The following RFX2 variants were observed in gnomAD, a reference collection of about 807,000 sequenced individuals.
RFX2 encodes regulatory factor X2, also known as DNA-binding protein RFX2.
RFX2 carries 20 observed loss-of-function variants against 87.8 expected under a neutral mutation model. That is an observed-to-expected ratio of 0.23 (90% CI 0.16 to 0.33). The LOEUF (loss-of-function observed/expected upper bound fraction) is 0.33. Ranked by LOEUF, RFX2 falls within the 10% of genes least tolerant of loss-of-function variation. The pLI, the probability that RFX2 is intolerant of heterozygous loss-of-function variation, is 1.00. For synonymous variants in RFX2, 397 were observed against 431.3 expected (o/e 0.92, Z 0.98); for missense variants, 767 against 1,012.3 (o/e 0.76, Z 3.29).
rs2087081168 is a variant in RFX2 at position 6,039,913 on chromosome 19, T to C, written c.522+67A>G. The C allele has an allele frequency of 6.9e-7, 1 of 1,459,750 alleles. No homozygotes were observed. The highest frequency in any genetic ancestry group is 1.4e-5 in the African/African-American group (1 of 71,120). The allele number at this position is 1,459,750 out of a possible 1,614,324, so 90.4% of individuals were successfully genotyped here. A position where few individuals can be genotyped will look rare whatever the true frequency, so the allele number is the denominator to read the frequency against. On this transcript the variant is annotated intron_variant, in intron 5 of 17. Coordinates refer to ENST00000303657, the MANE Select transcript of RFX2 (RefSeq NM_000635.4). This position sits in a 1 kb window ranked among gnomAD's most constrained non-coding sequence, Gnocchi z 5.2. ...GCCTCCGGCTGCCTCTTACTCACCA[T>C]CCCTGCTGCCGCTGCTTCGAGAATA...
chr19:6,049,402 G>A (rs1291558487), intron 1 of RFX2, among the ~76,000 whole-genome samples: 1 of 152,186 alleles, frequency 6.6e-6, no homozygotes, highest in Non-Finnish European at 1.5e-5. Flanking sequence ...TAAGTAAGAA[G>A]AGGCCATGAG....
chr19:6,055,861 G>A (rs192660346), intron 1 of RFX2, among the ~76,000 whole-genome samples: 118 of 152,274 alleles, frequency 7.7e-4, no homozygotes, highest in Middle Eastern at 3.4e-3. Context: ...GAATACTACT[G>A]GAATACTCTT....
chr19:6,095,626 G>A (rs1482547611), intron 1 of RFX2, among the ~76,000 whole-genome samples: 1 of 152,070 alleles, frequency 6.6e-6, no homozygotes, highest in Non-Finnish European at 1.5e-5. Flanking sequence ...GGGTGTGTGG[G>A]GCAGGGAAGG....
chr19:6,008,271 C>A, intron 9 of RFX2, 47 bp from the exon 10 acceptor site: 1 of 1,287,704 alleles, frequency 7.8e-7, no homozygotes. Flanking sequence ...GCTCTTAGGA[C>A]ACCGTGGACA....
intron 1 of RFX2, among the ~76,000 whole-genome samples, chr19:6,048,655 A>T (rs1422727013): frequency 6.6e-6 from 1 of 152,168 alleles, no homozygotes; most frequent in African/African-American, 2.4e-5. Flanking sequence ...CACAATAGAC[A>T]TTTGCTAGAA....
chr19:6,061,978 C>A lies in RFX2; in HGVS notation c.-8-14474G>T, dbSNP rs1389317807. On this transcript the variant is annotated intron_variant, in intron 1 of 17. Coordinates refer to ENST00000303657, the MANE Select transcript of RFX2 (RefSeq NM_000635.4). This position sits in a 1 kb window ranked among gnomAD's most constrained non-coding sequence, Gnocchi z 5.2. ...GCAACATAGCGAGGCCCCATCTCTA[C>A]AAACAAACAAACAAACAACAACAAC... 1.3e-5 allele frequency among the ~76,000 whole-genome samples: 2 copies of A among 151,962 alleles called. No homozygotes were observed. The highest frequency in any genetic ancestry group is 4.8e-5 in the African/African-American group (2 of 41,350).
At chr19:6,071,402 T>C (rs558758323) in intron 1 of RFX2, among the ~76,000 whole-genome samples, 12 of 152,148 alleles carry the variant, frequency 7.9e-5, no homozygotes, top group Admixed American at 3.3e-4. Flanking sequence ...TCGTCTATCT[T>C]TGAGGCACAG....
intron 1 of RFX2, among the ~76,000 whole-genome samples, chr19:6,070,235 G>T (rs1199876028): frequency 1.4e-5 from 2 of 143,910 alleles, no homozygotes; most frequent in African/African-American, 2.6e-5. Context: ...GGATGGGATG[G>T]GATGGGATGT....
At chr19:6,036,922 T>C (rs532242670) in intron 5 of RFX2, among the ~76,000 whole-genome samples, 25 of 152,294 alleles carry the variant, frequency 1.6e-4, no homozygotes, top group South Asian at 2.1e-4. Context: ...GAAATTTCTT[T>C]TTGTCCATAT....
intron 5 of RFX2, among the ~76,000 whole-genome samples, chr19:6,032,826 T>C (rs1330199810): frequency 6.6e-6 from 1 of 152,194 alleles, no homozygotes; most frequent in Non-Finnish European, 1.5e-5. Context: ...TCTCCTTCTG[T>C]CACCCAGGCT....
At chr19:6,073,666 G>C (rs1389958030) in intron 1 of RFX2, 6 of 248,682 alleles carry the variant, frequency 2.4e-5, no homozygotes, top group South Asian at 4.8e-5. Flanking sequence ...AAAGAAGGAA[G>C]GCTGAATGGA....
At position 6,052,738 on chromosome 19, in the gene RFX2, G is replaced by A. The variant is rs553060183; in HGVS notation, c.-8-5234C>T. Reference sequence around the variant, plus strand: ...GAGTAAATTAGAAATCAGTAAGAAGGTTAGAAAAATGCCAAATATTTAGAA... The same window carrying A: ...GAGTAAATTAGAAATCAGTAAGAAGATTAGAAAAATGCCAAATATTTAGAA... On this transcript the variant is annotated intron_variant, in intron 1 of 17. Coordinates refer to ENST00000303657, the MANE Select transcript of RFX2 (RefSeq NM_000635.4). Among the ~76,000 whole-genome samples, 122 of 152,196 alleles carry A rather than the reference G, an allele frequency of 8.0e-4. 1 individual carries two copies. Among genetic ancestry groups the A allele is most frequent in the Middle Eastern group, 3.4e-3 (1 of 294 alleles).
At position 6,096,430 on chromosome 19, in the gene RFX2, TTTTTGTTTTG is replaced by T. The variant is rs139772504; in HGVS notation, c.-9+13953_-9+13962del. ...ATACTGCGCACACTCTCGTTTTTGT[TTTTTGTTTTG>T]TTTTGTTTTGTTTTGTTTTGTTTTG... On this transcript the variant is annotated intron_variant, in intron 1 of 17. Coordinates refer to ENST00000303657, the MANE Select transcript of RFX2 (RefSeq NM_000635.4). 1.4e-3 allele frequency among the ~76,000 whole-genome samples: 206 copies of T among 151,180 alleles called. 1 individual carries two copies. Among genetic ancestry groups the T allele is most frequent in the South Asian group, 1.5e-3 (7 of 4,802 alleles).
intron 17 of RFX2, 68 bp from the exon 18 acceptor site, chr19:5,995,018 C>T (rs2086386482): frequency 7.0e-6 from 9 of 1,288,062 alleles, no homozygotes; most frequent in Middle Eastern, 2.0e-4. Context: ...AGGAAGTGCA[C>T]GTTCCGAGAA....
At chr19:6,080,201 A>ATTGTGTGTGT in intron 1 of RFX2, among the ~76,000 whole-genome samples, 2 of 111,470 alleles carry the variant, frequency 1.8e-5, no homozygotes, top group African/African-American at 4.2e-5. Context: ...ATGCCTGGTT[A>ATTGTGTGTGT]ATGTGTGTGT....
intron 1 of RFX2, among the ~76,000 whole-genome samples, chr19:6,092,005 C>T (rs567097878): frequency 3.1e-4 from 47 of 152,298 alleles, no homozygotes; most frequent in Middle Eastern, 6.8e-3. Context: ...CTAGAAGATT[C>T]TACATCCGGG....
chr19:6,054,249 T>C (rs556034758), intron 1 of RFX2, among the ~76,000 whole-genome samples: 2 of 152,214 alleles, frequency 1.3e-5, no homozygotes, highest in Non-Finnish European at 2.9e-5. Flanking sequence ...AAATTGAATA[T>C]GTTATTGGAA....
At chr19:6,031,423 CTTTTTT>C (rs58834364) in intron 5 of RFX2, among the ~76,000 whole-genome samples, 1 of 90,186 alleles carries the variant, frequency 1.1e-5, no homozygotes, top group Non-Finnish European at 2.0e-5. Context: ...TTCTCCTTCC[CTTTTTT>C]TTTTTTTTTT....
At chr19:6,099,000 G>C (rs1444225971) in intron 1 of RFX2, among the ~76,000 whole-genome samples, 3 of 138,176 alleles carry the variant, frequency 2.2e-5, no homozygotes, top group South Asian at 4.4e-4. Flanking sequence ...AAAAGCTAAG[G>C]GTTAAAATAC....
Sources: allele counts gnomAD v4.1 joint callset (sites outside exome capture counted in the v4.1 genomes callset), GRCh38; gene constraint gnomAD v4.1.1; non-coding constraint Gnocchi (gnomAD v3.1); transcripts MANE v1.5; gene names NCBI Gene and HGNC (gene_info 2026-07-23, HGNC 2026-07-21).